Variants in CCBE1 observed in about 807,000 individuals in gnomAD.
CCBE1 encodes the protein collagen and calcium binding EGF domains 1.
A neutral mutation model predicts 50.0 loss-of-function variants in CCBE1; 37 were observed. The observed-to-expected ratio is 0.74, with a 90% CI of 0.57 to 0.97. CCBE1 has a LOEUF of 0.97. CCBE1 is among the 50% of genes least tolerant of loss of function. The pLI, the probability that CCBE1 is intolerant of heterozygous loss-of-function variation, is 0.00. For missense variants in CCBE1, 538 were observed against 523.8 expected, an observed-to-expected ratio of 1.03 and a Z score of -0.26; for synonymous variants, 234 against 203.7, an observed-to-expected ratio of 1.15 and a Z score of -1.27.
Position 59,469,544 on chromosome 18 carries a change from A to C in CCBE1, c.329T>G (p.Leu110Arg), listed in dbSNP as rs754378157. 5 of 1,614,100 alleles carry C rather than the reference A, an allele frequency of 3.1e-6. No individual in the cohort carries two copies. In the African/African-American group the frequency reaches 6.7e-5, roughly 22 times the overall value. Residue 110 changes from leucine to arginine, a missense_variant, in exon 4 of 11, where the codon CTG becomes CGG. Coordinates refer to ENST00000439986, the MANE Select transcript of CCBE1 (RefSeq NM_133459.4). ...QQCTDNFGRV[L>R]CTCYPGYRYD... ...TCGGTATCCCGGATAACAAGTACACAGCACTCGGCCAAAGTTGTCCGTGCA... is the reference window on the plus strand; with the variant it reads ...TCGGTATCCCGGATAACAAGTACACCGCACTCGGCCAAAGTTGTCCGTGCA...
chr18:59,516,495 C>T (rs925238605), intron 2 of CCBE1, among the ~76,000 whole-genome samples: 5 of 152,148 alleles, frequency 3.3e-5, no homozygotes, highest in Admixed American at 6.5e-5. Context: ...TGCAACAGGA[C>T]CTCGTGGATG....
At chr18:59,588,897 G>C (rs1409703835) in intron 2 of CCBE1, among the ~76,000 whole-genome samples, 1 of 152,180 alleles carries the variant, frequency 6.6e-6, no homozygotes, top group East Asian at 1.9e-4. Context: ...TTTGCAGCAG[G>C]CTACTGCAGG....
intron 2 of CCBE1, among the ~76,000 whole-genome samples, chr18:59,661,210 T>G (rs1355214935): frequency 6.8e-6 from 1 of 147,404 alleles, no homozygotes; most frequent in East Asian, 1.9e-4. Context: ...AGTAAATATT[T>G]TTGGTCTAGC....
At chr18:59,509,401 A>G (rs999183332) in intron 2 of CCBE1, among the ~76,000 whole-genome samples, 1 of 152,232 alleles carries the variant, frequency 6.6e-6, no homozygotes, top group Admixed American at 6.5e-5. Flanking sequence ...TAATGATACT[A>G]TCTATAAACT....
intron 2 of CCBE1, among the ~76,000 whole-genome samples, chr18:59,560,953 C>T (rs529796928): frequency 6.6e-6 from 1 of 152,222 alleles, no homozygotes. Context: ...CAAGATAAGG[C>T]CATGGGGCCT....
At chr18:59,646,608 T>C (rs970936983) in intron 2 of CCBE1, among the ~76,000 whole-genome samples, 59 of 152,220 alleles carry the variant, frequency 3.9e-4, no homozygotes, top group African/African-American at 1.3e-3. Flanking sequence ...GAATTTCGTG[T>C]GTATGTGACC....
intron 2 of CCBE1, among the ~76,000 whole-genome samples, chr18:59,605,735 A>G (rs2053489108): frequency 6.6e-6 from 1 of 152,142 alleles, no homozygotes; most frequent in Non-Finnish European, 1.5e-5. Context: ...GTGGATGATA[A>G]AATACCTCAT....
At chr18:59,469,695 C>G in intron 3 of CCBE1, 88 bp from the exon 4 acceptor site, 2 of 1,574,936 alleles carry the variant, frequency 1.3e-6, no homozygotes, top group Non-Finnish European at 1.7e-6. Flanking sequence ...CTGGGCTGGG[C>G]TCTGCTCAAG....
At chr18:59,612,830 T>TTTTTTG (rs1192075339) in intron 2 of CCBE1, among the ~76,000 whole-genome samples, 3 of 113,930 alleles carry the variant, frequency 2.6e-5, no homozygotes, top group Admixed American at 1.8e-4. Flanking sequence ...TTTTTTGTTT[T>TTTTTTG]TTTTTGTTTT....
intron 2 of CCBE1, among the ~76,000 whole-genome samples, chr18:59,558,698 T>C (rs2052687817): frequency 6.6e-6 from 1 of 152,138 alleles, no homozygotes; most frequent in Non-Finnish European, 1.5e-5. Flanking sequence ...GCTGTCCATC[T>C]TGCAAATGGA....
chr18:59,638,938 G>A (rs1016164528), intron 2 of CCBE1, among the ~76,000 whole-genome samples: 2 of 152,294 alleles, frequency 1.3e-5, no homozygotes, highest in African/African-American at 2.4e-5. Flanking sequence ...TCTAATTTGA[G>A]AGTAACTGGT....
At chr18:59,552,330 C>T (rs527966667) in intron 2 of CCBE1, among the ~76,000 whole-genome samples, 100 of 152,336 alleles carry the variant, frequency 6.6e-4, no homozygotes, top group African/African-American at 1.7e-3. Flanking sequence ...AGGATGTTCA[C>T]GCCTTTGTGT....
chr18:59,580,012 A>C (rs1291093107), intron 2 of CCBE1, among the ~76,000 whole-genome samples: 1 of 152,180 alleles, frequency 6.6e-6, no homozygotes, highest in Admixed American at 6.5e-5. Context: ...ATCTGATTCG[A>C]ATAGGATGGA....
At chr18:59,486,916 C>G (rs656008) in intron 2 of CCBE1, among the ~76,000 whole-genome samples, 1 of 151,480 alleles carries the variant, frequency 6.6e-6, no homozygotes, top group Non-Finnish European at 1.5e-5. Flanking sequence ...ATTACCAAAT[C>G]TCAGTGACAA....
intron 2 of CCBE1, among the ~76,000 whole-genome samples, chr18:59,555,513 A>C (rs1385509473): frequency 6.6e-6 from 1 of 152,222 alleles, no homozygotes; most frequent in African/African-American, 2.4e-5. Flanking sequence ...AAATTAAGAC[A>C]ATGACTTGAA....
chr18:59,567,619 T>C (rs947424432), intron 2 of CCBE1, among the ~76,000 whole-genome samples: 1 of 152,210 alleles, frequency 6.6e-6, no homozygotes, highest in African/African-American at 2.4e-5. Flanking sequence ...GTAGCAATTC[T>C]ATCAGTGACC....
intron 3 of CCBE1, among the ~76,000 whole-genome samples, chr18:59,472,826 C>G (rs570827710): frequency 6.6e-6 from 1 of 152,328 alleles, no homozygotes; most frequent in East Asian, 1.9e-4. Context: ...CTCACAGATC[C>G]ACATGGCTGG....
At chr18:59,548,933 T>C (rs1893955) in intron 2 of CCBE1, among the ~76,000 whole-genome samples, 96,095 of 151,218 alleles carry the variant, frequency 0.64, 30,686 homozygotes, top group East Asian at 0.79. Flanking sequence ...CAAAACCCCC[T>C]ATGTATTAAA....
At chr18:59,475,317 C>T (rs1912254223) in intron 3 of CCBE1, among the ~76,000 whole-genome samples, 1 of 152,176 alleles carries the variant, frequency 6.6e-6, no homozygotes, top group African/African-American at 2.4e-5. Context: ...TGTACACCAT[C>T]CCCTTGTTTA....
Sources: allele counts gnomAD v4.1 joint callset (sites outside exome capture counted in the v4.1 genomes callset), GRCh38; gene constraint gnomAD v4.1.1; transcripts MANE v1.5; gene names NCBI Gene and HGNC (gene_info 2026-07-23, HGNC 2026-07-21).